The following SSH2 variants were observed in gnomAD, a reference collection of about 807,000 sequenced individuals.
SSH2 encodes the protein protein phosphatase Slingshot homolog 2.
SSH2 carries 37 observed loss-of-function variants against 135.2 expected under a neutral mutation model. That is an observed-to-expected ratio of 0.27 (90% confidence interval 0.21 to 0.36). The LOEUF is 0.36. Ranked by LOEUF, SSH2 falls within the 10% of genes least tolerant of loss-of-function variation. The pLI is 1.00. For missense variants in SSH2, 1,408 were observed against 1,765.3 expected, an observed-to-expected ratio of 0.80 and a Z score of 3.63; for synonymous variants, 628 against 646.2, an observed-to-expected ratio of 0.97 and a Z score of 0.43.
chr17:29,746,566 A>C (rs2040771005), intron 3 of SSH2, among the ~76,000 whole-genome samples: 1 of 150,570 alleles, frequency 6.6e-6, no homozygotes, highest in African/African-American at 2.4e-5. Flanking sequence ...AAAAAAAAAA[A>C]AAAAAAGGAA....
chr17:29,914,734 A>G (rs570221391), intron 1 of SSH2, among the ~76,000 whole-genome samples: 1 of 152,284 alleles, frequency 6.6e-6, no homozygotes, highest in Admixed American at 6.5e-5. Context: ...TCTCTATCTA[A>G]AAAGAATTTT....
At chr17:29,708,411 A>C (rs1400160282) in intron 3 of SSH2, among the ~76,000 whole-genome samples, 1 of 151,988 alleles carries the variant, frequency 6.6e-6, no homozygotes, top group Non-Finnish European at 1.5e-5. Context: ...AACATGGCGA[A>C]ACCCCATCTC....
rs542687770 is a variant in SSH2 at position 29,784,914 on chromosome 17, C to G, written c.188+8980G>C. The stretch of plus-strand genomic sequence containing the variant: ...CTCTGGCCCACATTGCTTTTTTCCT[C>G]TCCTCTGCTGCAAATTTTATTTTCA... On this transcript the variant is annotated intron_variant, in intron 3 of 15. Transcript: ENST00000540801. Among the ~76,000 whole-genome samples, 271 of 152,308 alleles carry G rather than the reference C, an allele frequency of 1.8e-3. 1 individual carries two copies. The highest frequency in any genetic ancestry group is 6.3e-3 in the African/African-American group (263 of 41,562).
intron 4 of SSH2, among the ~76,000 whole-genome samples, chr17:29,697,699 G>A (rs2038813594): frequency 6.6e-6 from 1 of 152,078 alleles, no homozygotes; most frequent in Admixed American, 6.6e-5. Context: ...AAAAAGGATG[G>A]TTTTCACTGC....
intron 1 of SSH2, among the ~76,000 whole-genome samples, chr17:29,883,509 C>G (rs1302448183): frequency 6.6e-6 from 1 of 152,094 alleles, no homozygotes; most frequent in Admixed American, 6.5e-5. Flanking sequence ...ATAAGTTATA[C>G]TGTATATAAA....
chr17:29,850,228 C>T (rs189160956), intron 1 of SSH2, among the ~76,000 whole-genome samples: 1 of 152,104 alleles, frequency 6.6e-6, no homozygotes, highest in African/African-American at 2.4e-5. Context: ...CTATGACTAA[C>T]AACTCAAAAA....
chr17:29,883,629 A>T (rs1487708612), intron 1 of SSH2, among the ~76,000 whole-genome samples: 1 of 152,212 alleles, frequency 6.6e-6, no homozygotes, highest in African/African-American at 2.4e-5. Context: ...GTAAGGTTAA[A>T]TCATAACAGG....
chr17:29,715,147 G>C (rs2039576256), intron 3 of SSH2, among the ~76,000 whole-genome samples: 1 of 151,986 alleles, frequency 6.6e-6, no homozygotes, highest in Non-Finnish European at 1.5e-5. Flanking sequence ...GATTACAGAC[G>C]TGAGCCACTG....
chr17:29,757,367 A>G (rs2041160649), intron 3 of SSH2, among the ~76,000 whole-genome samples: 1 of 152,196 alleles, frequency 6.6e-6, no homozygotes, highest in South Asian at 2.1e-4. Flanking sequence ...AAGCCAATCC[A>G]TAGACCTCTA....
intron 1 of SSH2, among the ~76,000 whole-genome samples, chr17:29,902,940 C>G (rs1304387793): frequency 6.6e-6 from 1 of 152,058 alleles, no homozygotes; most frequent in African/African-American, 2.4e-5. Flanking sequence ...AATATGAACA[C>G]TTTGGGAAGC....
intron 1 of SSH2, among the ~76,000 whole-genome samples, chr17:29,891,632 T>A (rs1459609501): frequency 2.0e-5 from 3 of 150,534 alleles, no homozygotes; most frequent in Admixed American, 2.0e-4. Context: ...TTCTGACAGG[T>A]GAAGAGCAGA....
chr17:29,632,119 T>C lies in SSH2; in HGVS notation c.3075A>G (p.Thr1025=). 1 of 1,614,138 alleles carries C rather than the reference T, an allele frequency of 6.2e-7. No homozygotes were observed. Among genetic ancestry groups the C allele is most frequent in the East Asian group, 2.2e-5 (1 of 44,876 alleles). Residue 1025 remains threonine (T), a synonymous_variant, in exon 16 of 16, where the codon ACA becomes ACG. Coordinates refer to ENST00000540801, the MANE Select transcript of SSH2 (RefSeq NM_001282129.2). ...RTVIPYQESE[T]QAVPLPLPKR... is the part of the protein sequence containing the mutation. The stretch of plus-strand genomic sequence containing the variant: ...TGGGAAGGGGAAGAGGGACTGCTTG[T>C]GTTTCAGACTCCTGGTATGGAATCA...
Position 29,627,375 on chromosome 17 carries a change from TGACCTGCTACA to T in SSH2, c.*3455_*3465del, listed in dbSNP as rs2035529784. The T allele has an allele frequency of 6.6e-6, 1 of 152,618 alleles. No homozygotes were observed. Among genetic ancestry groups the T allele is most frequent in the African/African-American group, 2.4e-5 (1 of 41,440 alleles). The allele number at this position is 152,618 out of a possible 1,614,324, so 9.5% of individuals were successfully genotyped here. On this transcript the variant is annotated 3_prime_UTR_variant, in exon 16 of 16. Coordinates refer to ENST00000540801, the MANE Select transcript of SSH2 (RefSeq NM_001282129.2). Reference sequence around the variant, plus strand: ...CAGATGAAACAGGTGAACACTTCTGTGACCTGCTACATCTCAGAAGCTTCTCATAGGAAGCT... The same window carrying T: ...CAGATGAAACAGGTGAACACTTCTGTTCTCAGAAGCTTCTCATAGGAAGCT...
chr17:29,856,467 C>T (rs370967747), intron 1 of SSH2: 29 of 165,282 alleles, frequency 1.8e-4, no homozygotes, highest in African/African-American at 6.5e-4. Flanking sequence ...CTCAGCTATG[C>T]AAGAGGCTGA....
At chr17:29,725,763 G>C (rs946000727) in intron 3 of SSH2, among the ~76,000 whole-genome samples, 9 of 152,210 alleles carry the variant, frequency 5.9e-5, no homozygotes, top group African/African-American at 2.2e-4. Flanking sequence ...CTGGGGGCAA[G>C]AGGAGGGAGA....
In SSH2 at chr17:29,695,450, C is replaced by T. The variant is rs1183827208; in HGVS notation, c.357+9G>A. ...GAGGAAGAAAATTATGATGACACCA[C>T]TAACTTACCAGCCTGATGTTGTCTT... On this transcript the variant is annotated intron_variant, in intron 5 of 15. Transcript: ENST00000540801. 6 of 1,608,230 alleles carry T rather than the reference C, an allele frequency of 3.7e-6. No homozygotes were observed. In the African/African-American group the frequency reaches 5.4e-5, roughly 14 times the overall value.
At position 29,676,655 on chromosome 17, in the gene SSH2, C is replaced by T. The variant is rs182090402; in HGVS notation, c.614+165G>A. 3,208 of 569,780 alleles carry T rather than the reference C, an allele frequency of 5.6e-3. 16 individuals carry two copies. Among genetic ancestry groups the T allele is most frequent in the Non-Finnish European group, 8.4e-3 (2,707 of 323,078 alleles). 35.3% of individuals were successfully genotyped at this position (569,780 alleles called of 1,614,324 possible). On this transcript the variant is annotated intron_variant, in intron 8 of 15. Transcript: ENST00000540801. Reference sequence around the variant, plus strand: ...ACCAATACTCAAGGCCTTCCAATTGCAACAATTTGAATATTGCATTTCTAG... The same window carrying T: ...ACCAATACTCAAGGCCTTCCAATTGTAACAATTTGAATATTGCATTTCTAG...
chr17:29,813,278 G>C (rs1268112003), intron 2 of SSH2, among the ~76,000 whole-genome samples: 5 of 152,010 alleles, frequency 3.3e-5, no homozygotes, highest in African/African-American at 1.2e-4. Context: ...AGCTACTTGG[G>C]AGGCTAAGGC....
chr17:29,912,636 T>C (rs1413425495), intron 1 of SSH2, among the ~76,000 whole-genome samples: 1 of 152,028 alleles, frequency 6.6e-6, no homozygotes. Context: ...GAGGCTAAGG[T>C]GGGCAGATTG....
Sources: allele counts gnomAD v4.1 joint callset (sites outside exome capture counted in the v4.1 genomes callset), GRCh38; gene constraint gnomAD v4.1.1; transcripts MANE v1.5; gene names NCBI Gene and HGNC (gene_info 2026-07-23, HGNC 2026-07-21).